The following MYO5B variants were observed in gnomAD, a reference collection of about 807,000 sequenced individuals.
The protein encoded by MYO5B is myosin VB, also known as unconventional myosin-Vb.
A neutral mutation model predicts 229.3 loss-of-function variants in MYO5B; 143 were observed. The observed-to-expected ratio is 0.62, with a 90% CI of 0.54 to 0.72. The LOEUF (loss-of-function observed/expected upper bound fraction) is 0.72. MYO5B is among the 30% of genes least tolerant of loss of function. The pLI is 0.00. For synonymous variants in MYO5B, 918 were observed against 885.2 expected (o/e 1.04, Z -0.66); for missense variants, 2,321 against 2,331.0 (o/e 1.00, Z 0.09).
intron 1 of MYO5B, among the ~76,000 whole-genome samples, chr18:50,132,962 A>G (rs1273567297): frequency 6.6e-6 from 1 of 152,336 alleles, no homozygotes; most frequent in East Asian, 1.9e-4. Context: ...AATTTAAATC[A>G]GTGGGAGGGG....
rs199930567 is a variant in MYO5B, at chr18:49,864,164, G to A, written c.3820C>T (p.Arg1274Trp). ...ACCGCGTTCCTGCCGGCGAGTCGCCGCTGGTCGGCGCTCACGATCTGGGTC... is the reference window on the plus strand; with the variant it reads ...ACCGCGTTCCTGCCGGCGAGTCGCCACTGGTCGGCGCTCACGATCTGGGTC... ...LRTQIVSADQRRLAGRNAEPN... is the reference protein window; with the variant it reads ...LRTQIVSADQWRLAGRNAEPN... Residue 1274 changes from arginine (R) to tryptophan (W), a missense_variant, in exon 28 of 40, where the codon CGG becomes TGG. Physicochemically the swap from Arg to Trp is moderately radical, Grantham distance 101 (BLOSUM62 -3). This residue lies in a region of MYO5B where 2,113 missense variants were observed against 2,044.7 expected (regional missense o/e 1.03). Transcript: ENST00000285039. 3.3e-5 allele frequency: 53 copies of A among 1,610,648 alleles called. No homozygotes were observed. Among genetic ancestry groups the A allele is most frequent in the Non-Finnish European group, 4.5e-5 (53 of 1,179,950 alleles).
rs1200866452 is a variant in MYO5B at position 50,066,262 on chromosome 18, T to C, written c.28-10884A>G. Among the ~76,000 whole-genome samples the C allele has an allele frequency of 3.3e-5, 5 of 152,180 alleles. No homozygotes were observed. In the South Asian group the frequency reaches 6.2e-4, roughly 19 times the overall value. On this transcript the variant is annotated intron_variant, in intron 1 of 39. Transcript: ENST00000285039. ...GTCCTCATATGAGCACTAACAATGA[T>C]ACGAAATCATGGACATCATTTGTCC...
chr18:49,941,461 C>T (rs1192023034), intron 14 of MYO5B, among the ~76,000 whole-genome samples: 1 of 152,142 alleles, frequency 6.6e-6, no homozygotes, highest in African/African-American at 2.4e-5. Flanking sequence ...AAGGGATAAT[C>T]CTATTCACAA....
intron 1 of MYO5B, among the ~76,000 whole-genome samples, chr18:50,149,883 G>T (rs2032567904): frequency 6.7e-6 from 1 of 148,684 alleles, no homozygotes; most frequent in South Asian, 2.1e-4. Flanking sequence ...ACTACCATCA[G>T]AGTGAACAGG....
chr18:50,122,352 A>C (rs757338754), intron 1 of MYO5B, among the ~76,000 whole-genome samples: 3 of 148,424 alleles, frequency 2.0e-5, no homozygotes, highest in Admixed American at 6.9e-5. Context: ...CTGTAATCCC[A>C]GCACTTTCGC....
chr18:49,990,480 C>T lies in MYO5B; in HGVS notation c.797G>A (p.Cys266Tyr). The T allele has an allele frequency of 6.2e-7, 1 of 1,613,952 alleles. No homozygotes were observed. Among genetic ancestry groups the T allele is most frequent in the Non-Finnish European group, 8.5e-7 (1 of 1,179,880 alleles). The change falls in exon 7 of 40, where the codon TGT (cysteine) becomes TAT (tyrosine). Residue 266 changes from cysteine to tyrosine, a missense_variant. Around this residue, in one of 2 missense-constraint regions of MYO5B, gnomAD observed 2,113 missense variants for 2,044.7 expected, o/e 1.03. Transcript: ENST00000285039. ...AAATTCTGGAAGACCGGCAGCAGCA[C>T]AGAGCTGGTAAAAGATGTGGTAATT... Reference protein sequence around the residue: ...ERNYHIFYQLCAAAGLPEFKE... With the variant: ...ERNYHIFYQLYAAAGLPEFKE...
At chr18:50,011,618 CA>C (rs1406312125) in intron 4 of MYO5B, among the ~76,000 whole-genome samples, 2 of 152,006 alleles carry the variant, frequency 1.3e-5, no homozygotes, top group Non-Finnish European at 2.9e-5. Flanking sequence ...CTGCCCGTGA[CA>C]CCTTTCTCTC....
chr18:50,046,889 T>G (rs2030243944), intron 2 of MYO5B, among the ~76,000 whole-genome samples: 3 of 152,216 alleles, frequency 2.0e-5, no homozygotes, highest in Non-Finnish European at 2.9e-5. Flanking sequence ...TAGCCATATG[T>G]AGAAAGCTGA....
intron 23 of MYO5B, among the ~76,000 whole-genome samples, chr18:49,879,682 G>A (rs2024565439): frequency 6.6e-6 from 1 of 152,206 alleles, no homozygotes; most frequent in Non-Finnish European, 1.5e-5. Context: ...TGAGGAACCT[G>A]AGTATGGGAG....
intron 39 of MYO5B, among the ~76,000 whole-genome samples, chr18:49,827,794 G>C (rs1033324789): frequency 1.3e-4 from 20 of 151,848 alleles, no homozygotes; most frequent in African/African-American, 4.6e-4. Context: ...CAAATCTGAT[G>C]AAAGACATGT....
rs1624595 is a variant in MYO5B, at chr18:49,935,327, T to A, written c.2003+925A>T. 1.9e-3 allele frequency among the ~76,000 whole-genome samples: 294 copies of A among 152,082 alleles called. 1 individual carries two copies. Among genetic ancestry groups the A allele is most frequent in the African/African-American group, 6.9e-3 (285 of 41,476 alleles). ...CAGTTCCTCACTCACACCAGACAGG[T>A]TTCAAGCACTCGATAGCCATGCGTG... On this transcript the variant is annotated intron_variant, in intron 16 of 39. Transcript: ENST00000285039.
At chr18:49,921,324 C>T (rs1003190112) in intron 17 of MYO5B, among the ~76,000 whole-genome samples, 23 of 143,980 alleles carry the variant, frequency 1.6e-4, no homozygotes, top group African/African-American at 4.4e-4. Context: ...ACACACTTTT[C>T]GGGGTAAGCA....
At chr18:50,017,420 C>T (rs1244079554) in intron 4 of MYO5B, among the ~76,000 whole-genome samples, 2 of 152,194 alleles carry the variant, frequency 1.3e-5, no homozygotes, top group African/African-American at 2.4e-5. Flanking sequence ...CCACTGCGCC[C>T]GGCTACCTTA....
At chr18:49,939,204 G>T (rs2025286708) in intron 14 of MYO5B, among the ~76,000 whole-genome samples, 1 of 140,406 alleles carries the variant, frequency 7.1e-6, no homozygotes, top group Non-Finnish European at 1.5e-5. Flanking sequence ...GGAGTGCAGT[G>T]GCGCAATCTC....
chr18:50,112,752 G>A (rs376118623), intron 1 of MYO5B, among the ~76,000 whole-genome samples: 2 of 152,114 alleles, frequency 1.3e-5, no homozygotes, highest in African/African-American at 4.8e-5. Flanking sequence ...AAATAACAAT[G>A]ACTAATGACA....
intron 18 of MYO5B, among the ~76,000 whole-genome samples, chr18:49,910,549 G>A (rs1212282199): frequency 6.6e-6 from 1 of 150,670 alleles, no homozygotes; most frequent in Non-Finnish European, 1.5e-5. Context: ...TAACCAGCCT[G>A]TTACCCCCTT....
At chr18:49,918,715 A>G (rs905423447) in intron 17 of MYO5B, among the ~76,000 whole-genome samples, 1 of 152,242 alleles carries the variant, frequency 6.6e-6, no homozygotes, top group Admixed American at 6.5e-5. Context: ...GCTGTGAGGC[A>G]TACCTACCAG....
intron 1 of MYO5B, among the ~76,000 whole-genome samples, chr18:50,136,058 T>C (rs1402870233): frequency 2.0e-5 from 3 of 152,246 alleles, no homozygotes; most frequent in African/African-American, 7.2e-5. Flanking sequence ...CCTCTAAGCC[T>C]GCCCCACAGC....
At chr18:50,130,561 G>A (rs537947137) in intron 1 of MYO5B, among the ~76,000 whole-genome samples, 34 of 152,272 alleles carry the variant, frequency 2.2e-4, no homozygotes, top group Non-Finnish European at 4.6e-4. Context: ...GAATGAGAAC[G>A]AGCAATATCC....
Sources: allele counts gnomAD v4.1 joint callset (sites outside exome capture counted in the v4.1 genomes callset), GRCh38; gene constraint gnomAD v4.1.1; regional missense constraint gnomAD v4.1.1; transcripts MANE v1.5; gene names NCBI Gene and HGNC (gene_info 2026-07-23, HGNC 2026-07-21).